FBXO31: variants seen among roughly 807,000 people sequenced by gnomAD.
FBXO31 encodes F-box protein 31.
FBXO31 carries 24 observed loss-of-function variants against 54.4 expected under a neutral mutation model. The ratio of observed to expected loss-of-function variants is 0.44; its 90% CI spans 0.32 to 0.62. The LOEUF is 0.62. Ranked by LOEUF, FBXO31 falls within the 20% of genes least tolerant of loss-of-function variation. The probability of loss-of-function intolerance (pLI) is 0.05; values close to 1 mark genes in which losing one functional copy is unlikely to be tolerated. For synonymous variants in FBXO31, 388 were observed against 335.6 expected (o/e 1.16, Z -1.71); for missense variants, 665 against 787.1 (o/e 0.84, Z 1.86).
In FBXO31 at chr16:87,347,171, T is replaced by C. The variant is rs1157172176; in HGVS notation, c.489+3A>G. ...GACCTCGTCGCGAGGCTCCGGGACTTACCACCACGTTCAGCAGTCCTCCGT... is the reference window on the plus strand; with the variant it reads ...GACCTCGTCGCGAGGCTCCGGGACTCACCACCACGTTCAGCAGTCCTCCGT... On this transcript the variant is annotated splice_donor_region_variant and intron_variant, in intron 3 of 8. Coordinates refer to ENST00000311635, the MANE Select transcript of FBXO31 (RefSeq NM_024735.5). 1 of 1,613,910 alleles carries C rather than the reference T, an allele frequency of 6.2e-7. No homozygotes were observed. The highest frequency in any genetic ancestry group is 8.5e-7 in the Non-Finnish European group (1 of 1,179,886).
At chr16:87,367,436 G>A (rs143796816) in intron 1 of FBXO31, 1 of 152,340 alleles carries the variant, frequency 6.6e-6, no homozygotes, top group African/African-American at 2.4e-5. Flanking sequence ...AGATTCCCAG[G>A]GGGGTCCTGC....
rs373122303 is a variant in FBXO31 at position 87,350,914 on chromosome 16, T to C, written c.413-3664A>G. Among the ~76,000 whole-genome samples the C allele has an allele frequency of 2.0e-4, 31 of 152,356 alleles. No homozygotes were observed. In the East Asian group the frequency reaches 2.5e-3, roughly 12 times the overall value. ...CCAGCAGCCTGCGAGATGCCAGTTC[T>C]AAAGCGACATCCTCCATGCATCTTG... On this transcript the variant is annotated intron_variant, in intron 2 of 8. Transcript: ENST00000311635.
intron 1 of FBXO31, among the ~76,000 whole-genome samples, chr16:87,365,037 A>ATATATATATCTATCTATCTATC (rs1489132121): frequency 9.4e-6 from 1 of 106,892 alleles, no homozygotes; most frequent in Non-Finnish European, 2.0e-5. Flanking sequence ...ATATATATAT[A>ATATATATATCTATCTATCTATC]TATCAGGCAG....
chr16:87,380,996 C>A (rs946957284), intron 1 of FBXO31, among the ~76,000 whole-genome samples: 1 of 152,198 alleles, frequency 6.6e-6, no homozygotes, highest in Middle Eastern at 3.2e-3. Context: ...ACAAACCCCC[C>A]AGAGGTCACC....
In FBXO31 at chr16:87,330,209, T is replaced by C. The variant is rs542869152; in HGVS notation, c.*1079A>G. The C allele has an allele frequency of 3.9e-5, 6 of 152,442 alleles. No homozygotes were observed. In the South Asian group the frequency reaches 8.3e-4, roughly 21 times the overall value. 9.4% of individuals were successfully genotyped at this position (152,442 alleles called of 1,614,324 possible). On this transcript the variant is annotated 3_prime_UTR_variant, in exon 9 of 9. Transcript: ENST00000311635. The stretch of plus-strand genomic sequence containing the variant: ...CCCACACGCAGGTGTTAACACAACA[T>C]GGGGCACACAGCAGTGGAGGCATCA...
In FBXO31 at chr16:87,345,909, G is replaced by A. The variant is rs926142013; in HGVS notation, c.489+1265C>T. Among the ~76,000 whole-genome samples the A allele has an allele frequency of 2.6e-5, 4 of 152,186 alleles. No homozygotes were observed. The highest frequency in any genetic ancestry group is 4.4e-5 in the Non-Finnish European group (3 of 68,032). On this transcript the variant is annotated intron_variant, in intron 3 of 8. Coordinates refer to ENST00000311635, the MANE Select transcript of FBXO31 (RefSeq NM_024735.5). The surrounding 1 kb of genome is among the most constrained non-coding windows in gnomAD (Gnocchi z 4.9). ...GGAGCCAGGACTACCGCCGCCAAAC[G>A]CCAAAGATGGCAACCAGAGAACACA...
intron 1 of FBXO31, among the ~76,000 whole-genome samples, chr16:87,377,225 A>G (rs1349607641): frequency 6.6e-6 from 1 of 152,248 alleles, no homozygotes. Context: ...CGGGCGGACC[A>G]CTTGAGCCCA....
intron 3 of FBXO31, among the ~76,000 whole-genome samples, chr16:87,344,059 G>A (rs982496970): frequency 3.9e-5 from 6 of 152,232 alleles, no homozygotes; most frequent in Non-Finnish European, 8.8e-5. Context: ...CAACAGCAGT[G>A]CAAGGGCCTC....
chr16:87,370,833 C>T (rs1288132882), intron 1 of FBXO31, among the ~76,000 whole-genome samples: 3 of 152,168 alleles, frequency 2.0e-5, no homozygotes, highest in Non-Finnish European at 4.4e-5. Context: ...GGAAAGACTG[C>T]GTTTGTACTT....
At chr16:87,391,605 G>A (rs973511177), upstream of FBXO31, 1 of 152,462 alleles carries the variant, frequency 6.6e-6, no homozygotes, top group African/African-American at 2.4e-5. Context: ...CAGCCACCAG[G>A]AGAGTTCCAG....
At chr16:87,351,447 A>G (rs555259434) in intron 2 of FBXO31, among the ~76,000 whole-genome samples, 65 of 152,266 alleles carry the variant, frequency 4.3e-4, no homozygotes, top group Non-Finnish European at 7.4e-4. Context: ...CCCGCACTTC[A>G]GTGCCCCACA....
In FBXO31 at chr16:87,335,576, A is replaced by G. The variant is rs1465210219; in HGVS notation, c.843-119T>C. The G allele has an allele frequency of 8.7e-7, 1 of 1,151,868 alleles. No individual in the cohort carries two copies. The highest frequency in any genetic ancestry group is 1.2e-6 in the Non-Finnish European group (1 of 825,700). The allele number at this position is 1,151,868 out of a possible 1,614,324, so 71.4% of individuals were successfully genotyped here. A position where few individuals can be genotyped will look rare whatever the true frequency, so the allele number is the denominator to read the frequency against. Reference sequence around the variant, plus strand: ...GTAGGGCGGGCAGCTCAGCTCAACCAGGGCCAGGTGTCCACCAGGCCTGTG... The same window carrying G: ...GTAGGGCGGGCAGCTCAGCTCAACCGGGGCCAGGTGTCCACCAGGCCTGTG... On this transcript the variant is annotated intron_variant, in intron 6 of 8. Transcript: ENST00000311635. The surrounding 1 kb of genome is among the most constrained non-coding windows in gnomAD (Gnocchi z 5.7).
intron 2 of FBXO31, among the ~76,000 whole-genome samples, chr16:87,347,957 C>T (rs571033804): frequency 1.1e-3 from 166 of 152,314 alleles, no homozygotes; most frequent in Non-Finnish European, 2.0e-3. Flanking sequence ...GCTGAAGGCC[C>T]AGGACACAAC....
chr16:87,389,861 G>C (rs1022592952), upstream of FBXO31: 2 of 152,196 alleles, frequency 1.3e-5, no homozygotes, highest in Non-Finnish European at 2.9e-5. Flanking sequence ...GGAAACCAGA[G>C]AGAATGTTTA....
chr16:87,356,775 C>T (rs1905910042), intron 2 of FBXO31, among the ~76,000 whole-genome samples: 1 of 152,172 alleles, frequency 6.6e-6, no homozygotes, highest in African/African-American at 2.4e-5. Context: ...TGTAGGTCTG[C>T]TCCCAACAGA....
intron 1 of FBXO31, among the ~76,000 whole-genome samples, chr16:87,372,870 G>A (rs1906661302): frequency 6.6e-6 from 1 of 151,700 alleles, no homozygotes; most frequent in Non-Finnish European, 1.5e-5. Context: ...CCAAGTAGCT[G>A]GGACTACAGG....
At chr16:87,343,797 TGGCTCCCG>T (rs1567616710) in intron 3 of FBXO31, 32 bp from the exon 4 acceptor site, 1 of 1,612,304 alleles carries the variant, frequency 6.2e-7, no homozygotes, top group South Asian at 1.1e-5. Context: ...GGTCCATGAG[TGGCTCCCG>T]GGCCAGAGCA....
chr16:87,344,287 C>T (rs1449331312), intron 3 of FBXO31, among the ~76,000 whole-genome samples: 10 of 152,218 alleles, frequency 6.6e-5, no homozygotes, highest in Non-Finnish European at 1.3e-4. Flanking sequence ...GCTTCAAAAC[C>T]GAAGTGCAGG....
chr16:87,349,349 A>C (rs1905536414), intron 2 of FBXO31, among the ~76,000 whole-genome samples: 1 of 152,240 alleles, frequency 6.6e-6, no homozygotes, highest in Non-Finnish European at 1.5e-5. Flanking sequence ...GTGGCAGCTG[A>C]CACAACCGTG....
Sources: allele counts gnomAD v4.1 joint callset (sites outside exome capture counted in the v4.1 genomes callset), GRCh38; gene constraint gnomAD v4.1.1; non-coding constraint Gnocchi (gnomAD v3.1); transcripts MANE v1.5; gene names NCBI Gene and HGNC (gene_info 2026-07-23, HGNC 2026-07-21).